Variants in TULP4 observed in about 807,000 individuals in gnomAD.
The protein encoded by TULP4 is tubby-related protein 4.
Under a neutral mutation model 129.0 loss-of-function variants are expected in TULP4, and 16 were observed. The observed-to-expected ratio is 0.12, with a 90% confidence interval of 0.08 to 0.19. The LOEUF is 0.19. Among genes scored for constraint, TULP4 ranks in the 10% least tolerant of loss-of-function variants. TULP4 has a pLI of 1.00. For synonymous variants in TULP4, 998 were observed against 854.0 expected (o/e 1.17, Z -2.94); for missense variants, 1,842 against 2,059.1 (o/e 0.89, Z 2.04).
chr6:158,481,080 T>C lies in TULP4; in HGVS notation c.1277T>C (p.Met426Thr), dbSNP rs778913391. 2.5e-6 allele frequency: 4 copies of C among 1,588,938 alleles called. No homozygotes were observed. Among genetic ancestry groups the C allele is most frequent in the South Asian group, 1.1e-5 (1 of 87,816 alleles). The change falls in exon 8 of 14, where the codon ATG (methionine) becomes ACG (threonine). Residue 426 changes from methionine to threonine, a missense_variant. Around this residue, in one of 5 missense-constraint regions of TULP4, gnomAD observed 456 missense variants for 534.3 expected, o/e 0.85. Transcript: ENST00000367097. Reference protein sequence around the residue: ...IKPPIPDPNNMRDFVSYPSAG... With the variant: ...IKPPIPDPNNTRDFVSYPSAG... Reference sequence around the variant, plus strand: ...CCCCCAATTCCAGATCCGAACAACATGAGAGACTTTGTCAGCTACCCATCA... The same window carrying C: ...CCCCCAATTCCAGATCCGAACAACACGAGAGACTTTGTCAGCTACCCATCA...
At chr6:158,244,577 C>T (rs1777991219) in intron 1 of TULP4, among the ~76,000 whole-genome samples, 1 of 152,022 alleles carries the variant, frequency 6.6e-6, no homozygotes, top group Non-Finnish European at 1.5e-5. Context: ...TTTTTTTCTC[C>T]CCATGTGAGC....
chr6:158,296,855 G>C (rs1779044026), intron 1 of TULP4, among the ~76,000 whole-genome samples: 1 of 151,942 alleles, frequency 6.6e-6, no homozygotes, highest in African/African-American at 2.4e-5. Flanking sequence ...CATGCTTTAA[G>C]GGGCAAAAAA....
chr6:158,456,096 T>C (rs749312542), intron 5 of TULP4, among the ~76,000 whole-genome samples: 4 of 152,184 alleles, frequency 2.6e-5, no homozygotes, highest in Non-Finnish European at 5.9e-5. Context: ...AATGAATGGA[T>C]CCAGGAGGTA....
chr6:158,399,559 GGTGGTAAAT>G (rs2114974169), intron 1 of TULP4, among the ~76,000 whole-genome samples: 1 of 152,334 alleles, frequency 6.6e-6, no homozygotes, highest in African/African-American at 2.4e-5. Context: ...ACTTACTGGT[GGTGGTAAAT>G]GCTGGCCTCA....
chr6:158,269,867 G>T (rs1216818971), intron 1 of TULP4, among the ~76,000 whole-genome samples: 1 of 152,224 alleles, frequency 6.6e-6, no homozygotes, highest in Non-Finnish European at 1.5e-5. Context: ...CAGGCCCGGT[G>T]CCCGGCAGTC....
Position 158,506,523 on chromosome 6 carries a change from G to C in TULP4, c.4516-55G>C, listed in dbSNP as rs556747472. On this transcript the variant is annotated intron_variant, in intron 13 of 13. Transcript: ENST00000367097. ...TGGGACTACAGGCGTGAGCCACTGC[G>C]CCTGGCCTTTTCACCTTATTCTTTA... is the stretch of plus-strand genomic sequence containing the variant. 18 of 1,214,692 alleles carry C rather than the reference G, an allele frequency of 1.5e-5. No homozygotes were observed. In the African/African-American group the frequency reaches 2.5e-4, roughly 17 times the overall value. 75.2% of individuals were successfully genotyped at this position (1,214,692 alleles called of 1,614,324 possible). A position where few individuals can be genotyped will look rare whatever the true frequency, so the allele number is the denominator to read the frequency against.
At chr6:158,504,422 C>G (rs965620158) in intron 13 of TULP4, among the ~76,000 whole-genome samples, 1 of 152,086 alleles carries the variant, frequency 6.6e-6, no homozygotes, top group Admixed American at 6.5e-5. Flanking sequence ...TCTTGGCTTC[C>G]TGCAAGCTAC....
chr6:158,335,292 A>T (rs1168492691), intron 1 of TULP4, among the ~76,000 whole-genome samples: 2 of 151,248 alleles, frequency 1.3e-5, no homozygotes, highest in East Asian at 3.9e-4. Context: ...AAAAAAAAAA[A>T]ATTTTTGTTC....
intron 1 of TULP4, among the ~76,000 whole-genome samples, chr6:158,274,867 C>CA (rs1179538219): frequency 6.6e-6 from 1 of 152,222 alleles, no homozygotes; most frequent in East Asian, 1.9e-4. Context: ...CTACAGGCCG[C>CA]TCCTAAGCAA....
rs1210451700 is a variant in TULP4 at position 158,332,187 on chromosome 6, AAAAAAAAAAAAAAAT to A, written c.252+17921_252+17935del. 2.8e-4 allele frequency among the ~76,000 whole-genome samples: 6 copies of A among 21,654 alleles called. No homozygotes were observed. The South Asian group carries it at 0.019, about 69-fold the overall frequency. 14.2% of individuals were successfully genotyped at this position (21,654 alleles called of 152,430 possible). Reference sequence around the variant, plus strand: ...ACTCTGTCAAAAAAAAAAAAAAAAAAAAAAAAAAAAAAAATATATATATATATATATATATATATA... The same window carrying A: ...ACTCTGTCAAAAAAAAAAAAAAAAAAATATATATATATATATATATATATA... On this transcript the variant is annotated intron_variant, in intron 1 of 13. Coordinates refer to ENST00000367097, the MANE Select transcript of TULP4 (RefSeq NM_020245.5).
Position 158,392,790 on chromosome 6 carries a change from ATTTCTTT to A in TULP4, c.253-20271_253-20265del, listed in dbSNP as rs1426216232. Among the ~76,000 whole-genome samples the A allele has an allele frequency of 5.2e-4, 20 of 38,628 alleles. 1 individual carries two copies. The highest frequency in any genetic ancestry group is 2.0e-3 in the African/African-American group (19 of 9,736). The allele number at this position is 38,628 out of a possible 152,430, so 25.3% of individuals were successfully genotyped here. ...CACTGTACCTATTGTTTAAATTTGT[ATTTCTTT>A]TTTTTTTTTTTTTTTTTTTTTTGAG... On this transcript the variant is annotated intron_variant, in intron 1 of 13. Transcript: ENST00000367097.
intron 1 of TULP4, among the ~76,000 whole-genome samples, chr6:158,288,143 G>T (rs1562506626): frequency 6.6e-6 from 1 of 152,170 alleles, no homozygotes; most frequent in Admixed American, 6.5e-5. Flanking sequence ...GAGAAAATGG[G>T]AATAATGATT....
chr6:158,422,229 G>A (rs1778361171), intron 2 of TULP4, among the ~76,000 whole-genome samples: 1 of 152,092 alleles, frequency 6.6e-6, no homozygotes, highest in Non-Finnish European at 1.5e-5. Context: ...CAGATGTCTT[G>A]CAAAACTGAT....
chr6:158,421,624 C>CT (rs761593669), intron 2 of TULP4, among the ~76,000 whole-genome samples: 150 of 152,204 alleles, frequency 9.9e-4, no homozygotes, highest in African/African-American at 3.1e-3. Context: ...TTTAGGTAGT[C>CT]TCTTTAGAAT....
At chr6:158,476,432 A>C (rs1779822020) in intron 6 of TULP4, among the ~76,000 whole-genome samples, 1 of 152,184 alleles carries the variant, frequency 6.6e-6, no homozygotes. Context: ...TTTTTCTCCC[A>C]GGTTCTAATG....
chr6:158,297,925 T>A (rs1779061796), intron 1 of TULP4, among the ~76,000 whole-genome samples: 2 of 152,228 alleles, frequency 1.3e-5, no homozygotes, highest in South Asian at 4.1e-4. Flanking sequence ...CCAGGGCGTA[T>A]CTCAGTCCTT....
At chr6:158,274,665 T>C (rs1378255147) in intron 1 of TULP4, among the ~76,000 whole-genome samples, 1 of 152,132 alleles carries the variant, frequency 6.6e-6, no homozygotes, top group Non-Finnish European at 1.5e-5. Context: ...TAGTCCCAGC[T>C]ACTCGGGAGG....
At chr6:158,266,344 C>T (rs191562764) in intron 1 of TULP4, among the ~76,000 whole-genome samples, 3 of 152,346 alleles carry the variant, frequency 2.0e-5, no homozygotes, top group Admixed American at 6.5e-5. Flanking sequence ...GCAGCCTTGA[C>T]GTCCCGGGTT....
At chr6:158,237,697 C>T in intron 1 of TULP4, 1 of 1,045,636 alleles carries the variant, frequency 9.6e-7, no homozygotes, top group Non-Finnish European at 1.5e-6. Flanking sequence ...TTTCAAATCT[C>T]CCTTTCCTTG....
Sources: allele counts gnomAD v4.1 joint callset (sites outside exome capture counted in the v4.1 genomes callset), GRCh38; gene constraint gnomAD v4.1.1; regional missense constraint gnomAD v4.1.1; transcripts MANE v1.5; gene names NCBI Gene and HGNC (gene_info 2026-07-23, HGNC 2026-07-21).